The following TAFA4 variants were observed in gnomAD, a reference collection of about 807,000 sequenced individuals.
TAFA4 encodes chemokine-like protein TAFA-4.
A neutral mutation model predicts 21.1 loss-of-function variants in TAFA4; 20 were observed. That is an observed-to-expected ratio of 0.95 (90% confidence interval 0.67 to 1.38). The LOEUF (loss-of-function observed/expected upper bound fraction) is 1.38. TAFA4 is among the 40% of genes most tolerant of loss of function. The pLI, the probability that TAFA4 is intolerant of heterozygous loss-of-function variation, is 0.00. For synonymous variants in TAFA4, 71 were observed against 67.4 expected (o/e 1.05, Z -0.26); for missense variants, 211 against 180.9 (o/e 1.17, Z -0.95).
intron 3 of TAFA4, among the ~76,000 whole-genome samples, chr3:68,817,366 T>C (rs1291756793): frequency 6.6e-6 from 1 of 152,144 alleles, no homozygotes; most frequent in African/African-American, 2.4e-5. Flanking sequence ...TGCAGTTACT[T>C]CCTCCACAGA....
At chr3:68,753,143 CATTTT>C in intron 3 of TAFA4, 125 bp from the exon 4 acceptor site, 2 of 820,020 alleles carry the variant, frequency 2.4e-6, no homozygotes, top group East Asian at 2.8e-5. Flanking sequence ...GTCTTTGTAA[CATTTT>C]ATTTTGATAA....
intron 3 of TAFA4, among the ~76,000 whole-genome samples, chr3:68,852,162 G>A (rs1250559652): frequency 6.6e-6 from 1 of 152,142 alleles, no homozygotes; most frequent in Non-Finnish European, 1.5e-5. Context: ...GACTGACGGA[G>A]GCCAATACAG....
chr3:68,845,177 T>C (rs1214173196), intron 3 of TAFA4, among the ~76,000 whole-genome samples: 1 of 152,228 alleles, frequency 6.6e-6, no homozygotes, highest in Non-Finnish European at 1.5e-5. Context: ...AGAACTGCTT[T>C]ATGGATCTGG....
intron 3 of TAFA4, among the ~76,000 whole-genome samples, chr3:68,862,390 G>T (rs573035604): frequency 6.6e-6 from 1 of 152,168 alleles, no homozygotes; most frequent in African/African-American, 2.4e-5. Flanking sequence ...CTTATAGGGT[G>T]ATTGCGGGTA....
intron 3 of TAFA4, among the ~76,000 whole-genome samples, chr3:68,854,079 AT>A (rs1660922665): frequency 6.6e-6 from 1 of 152,138 alleles, no homozygotes; most frequent in African/African-American, 2.4e-5. Context: ...TATAATTATG[AT>A]TTATATCAAG....
intron 1 of TAFA4, among the ~76,000 whole-genome samples, chr3:68,902,565 A>T (rs2089854999): frequency 6.6e-6 from 1 of 152,026 alleles, no homozygotes; most frequent in African/African-American, 2.4e-5. Flanking sequence ...ACATGGTTTC[A>T]CCATGTTTCC....
At chr3:68,748,837 T>A (rs986689773) in intron 4 of TAFA4, among the ~76,000 whole-genome samples, 10 of 152,216 alleles carry the variant, frequency 6.6e-5, no homozygotes, top group African/African-American at 2.2e-4. Context: ...GAGCTTTTGT[T>A]TTATTAGTCT....
chr3:68,805,454 G>A (rs149383032), intron 3 of TAFA4, among the ~76,000 whole-genome samples: 2,146 of 152,284 alleles, frequency 0.014, 43 homozygotes, highest in African/African-American at 0.049. Context: ...CCATTACTGG[G>A]TATATACCCA....
intron 1 of TAFA4, among the ~76,000 whole-genome samples, chr3:68,909,052 T>C (rs1018214898): frequency 3.9e-5 from 6 of 152,196 alleles, no homozygotes; most frequent in African/African-American, 1.4e-4. Context: ...ATTTTTAGTT[T>C]TGTTTAATTC....
intron 3 of TAFA4, among the ~76,000 whole-genome samples, chr3:68,865,652 A>T (rs1258583737): frequency 6.6e-6 from 1 of 152,132 alleles, no homozygotes; most frequent in Non-Finnish European, 1.5e-5. Context: ...GCTTCATAGC[A>T]GTATGAAAAT....
chr3:68,842,885 T>C (rs1321385006), intron 3 of TAFA4, among the ~76,000 whole-genome samples: 1 of 152,188 alleles, frequency 6.6e-6, no homozygotes, highest in Non-Finnish European at 1.5e-5. Flanking sequence ...TTCTGTTTCA[T>C]TGGTCTATGT....
chr3:68,762,777 G>A (rs761079540), intron 3 of TAFA4, among the ~76,000 whole-genome samples: 6 of 152,196 alleles, frequency 3.9e-5, no homozygotes, highest in Non-Finnish European at 8.8e-5. Flanking sequence ...AGTGGCTCAC[G>A]CCTGTAATCT....
At chr3:68,745,947 A>C (rs1702448940) in intron 4 of TAFA4, among the ~76,000 whole-genome samples, 1 of 152,192 alleles carries the variant, frequency 6.6e-6, no homozygotes, top group Admixed American at 6.5e-5. Context: ...AAGGAGATTA[A>C]CATTTGAGTT....
chr3:68,732,366 C>T lies in TAFA4; in HGVS notation c.*776G>A, dbSNP rs895024853. 5 of 152,500 alleles carry T rather than the reference C, an allele frequency of 3.3e-5. No homozygotes were observed. Among genetic ancestry groups the T allele is most frequent in the African/African-American group, 1.2e-4 (5 of 41,394 alleles). 9.4% of individuals were successfully genotyped at this position (152,500 alleles called of 1,614,324 possible). ...TTTTATATTTTAAATGATTTACCTA[C>T]ATGACTACACAAAAGCCGTAAAAAT... On this transcript the variant is annotated 3_prime_UTR_variant, in exon 6 of 6. Coordinates refer to ENST00000295569, the MANE Select transcript of TAFA4 (RefSeq NM_182522.5).
intron 2 of TAFA4, among the ~76,000 whole-genome samples, chr3:68,884,673 G>T (rs1159286400): frequency 6.6e-6 from 1 of 152,214 alleles, no homozygotes; most frequent in Non-Finnish European, 1.5e-5. Flanking sequence ...CCAGCAGAAT[G>T]GTTTCTGTTT....
intron 5 of TAFA4, among the ~76,000 whole-genome samples, chr3:68,738,767 T>A (rs1702288698): frequency 6.6e-6 from 1 of 152,192 alleles, no homozygotes; most frequent in Non-Finnish European, 1.5e-5. Flanking sequence ...TGTCATGGTG[T>A]TTTGATACAT....
chr3:68,789,616 T>C lies in TAFA4; in HGVS notation c.131-36598A>G, dbSNP rs555236691. Among the ~76,000 whole-genome samples the C allele has an allele frequency of 4.6e-5, 7 of 152,280 alleles. No individual in the cohort carries two copies. In the South Asian group the frequency reaches 6.2e-4, roughly 14 times the overall value. ...CTGACCCCAGCTTTATTTTTCCCCA[T>C]AGAATTCATGACATGTTATGCTTTA... On this transcript the variant is annotated intron_variant, in intron 3 of 5. Transcript: ENST00000295569.
At position 68,794,433 on chromosome 3, in the gene TAFA4, G is replaced by A. The variant is rs527252177; in HGVS notation, c.131-41415C>T. Among the ~76,000 whole-genome samples, 13 of 152,230 alleles carry A rather than the reference G, an allele frequency of 8.5e-5. No homozygotes were observed. In the South Asian group the frequency reaches 2.7e-3, roughly 32 times the overall value. ...AAGTAATCTAACACCCGGCTTTAAA[G>A]TCCCTTACTTTCAAATAAATATAAA... On this transcript the variant is annotated intron_variant, in intron 3 of 5. Transcript: ENST00000295569.
intron 3 of TAFA4, among the ~76,000 whole-genome samples, chr3:68,800,107 T>C (rs1703544584): frequency 6.6e-6 from 1 of 152,186 alleles, no homozygotes; most frequent in Non-Finnish European, 1.5e-5. Flanking sequence ...TATGGTGAGT[T>C]GTATAATTAT....
Sources: allele counts gnomAD v4.1 joint callset (sites outside exome capture counted in the v4.1 genomes callset), GRCh38; gene constraint gnomAD v4.1.1; transcripts MANE v1.5; gene names NCBI Gene and HGNC (gene_info 2026-07-23, HGNC 2026-07-21).